PTBP2: variants seen among roughly 807,000 people sequenced by gnomAD.
PTBP2 encodes polypyrimidine tract-binding protein 2.
PTBP2 carries 13 observed loss-of-function variants against 61.4 expected under a neutral mutation model. That is an observed-to-expected ratio of 0.21 (90% CI 0.14 to 0.34). The LOEUF (loss-of-function observed/expected upper bound fraction) is 0.34, where lower values mean the gene tolerates loss of function less well. Ranked by LOEUF, PTBP2 falls within the 10% of genes least tolerant of loss-of-function variation. The probability of loss-of-function intolerance (pLI) is 1.00; values close to 1 mark genes in which losing one functional copy is unlikely to be tolerated. For missense variants in PTBP2, 405 were observed against 642.6 expected (o/e 0.63, Z 4.00); for synonymous variants, 215 against 218.5 (o/e 0.98, Z 0.14).
chr1:96,783,210 C>T (rs771755074), intron 7 of PTBP2, among the ~76,000 whole-genome samples: 1 of 151,960 alleles, frequency 6.6e-6, no homozygotes, highest in Non-Finnish European at 1.5e-5. Context: ...CCTCCTTTAA[C>T]CAACTATTTA....
intron 8 of PTBP2, among the ~76,000 whole-genome samples, chr1:96,797,374 G>A (rs2101134704): frequency 6.6e-6 from 1 of 152,298 alleles, no homozygotes; most frequent in South Asian, 2.1e-4. Context: ...GAATAAAAGT[G>A]TAGTTGTTAG....
At chr1:96,722,036 G>A (rs1183150137) in intron 1 of PTBP2, among the ~76,000 whole-genome samples, 164 bp downstream of exon 1, 2 of 150,832 alleles carry the variant, frequency 1.3e-5, no homozygotes, top group African/African-American at 4.9e-5. Context: ...TGCTTCCCCC[G>A]GCGGGCTTTG....
chr1:96,723,721 C>T, intron 2 of PTBP2, 127 bp downstream of exon 2: 3 of 793,926 alleles, frequency 3.8e-6, no homozygotes, highest in South Asian at 2.3e-5. Flanking sequence ...TGTTTCCTTT[C>T]ATTTGTAAAG....
At chr1:96,755,563 A>G (rs1655056654) in intron 3 of PTBP2, among the ~76,000 whole-genome samples, 1 of 152,268 alleles carries the variant, frequency 6.6e-6, no homozygotes, top group African/African-American at 2.4e-5. Flanking sequence ...AATCACCAAA[A>G]TGTGAAACAA....
At position 96,806,849 on chromosome 1, in the gene PTBP2, C is replaced by T. The variant is rs1557776313; in HGVS notation, c.1079-17C>T. The T allele has an allele frequency of 6.3e-7, 1 of 1,590,908 alleles. No homozygotes were observed. Among genetic ancestry groups the T allele is most frequent in the Non-Finnish European group, 8.6e-7 (1 of 1,165,286 alleles). On this transcript the variant is annotated splice_polypyrimidine_tract_variant and intron_variant, in intron 10 of 13. Coordinates refer to ENST00000674951, the MANE Select transcript of PTBP2 (RefSeq NM_021190.4). The stretch of plus-strand genomic sequence containing the variant: ...TTAATTCCATTTTTGGATTACCTCT[C>T]TGTGGCTCCAAAAAAGGTGTTTATG...
intron 2 of PTBP2, among the ~76,000 whole-genome samples, chr1:96,726,235 C>T (rs912109395): frequency 2.7e-5 from 4 of 149,152 alleles, no homozygotes; most frequent in Non-Finnish European, 5.9e-5. Flanking sequence ...TCTTTATTTA[C>T]GTGATTGAAT....
At chr1:96,801,803 G>A (rs1159812907) in intron 8 of PTBP2, among the ~76,000 whole-genome samples, 3 of 149,782 alleles carry the variant, frequency 2.0e-5, no homozygotes, top group Non-Finnish European at 4.4e-5. Context: ...GGAGGTTGCA[G>A]TGAGCCAAAA....
intron 2 of PTBP2, among the ~76,000 whole-genome samples, chr1:96,731,382 T>C: frequency 6.6e-6 from 1 of 152,304 alleles, no homozygotes; most frequent in Admixed American, 6.5e-5. Context: ...TAAAAATTAT[T>C]TTGTAATTTA....
At chr1:96,776,192 A>G (rs1658016837) in intron 5 of PTBP2, among the ~76,000 whole-genome samples, 1 of 152,048 alleles carries the variant, frequency 6.6e-6, no homozygotes, top group African/African-American at 2.4e-5. Context: ...GCTTGTTATT[A>G]TAGATAAATA....
chr1:96,815,554 T>C (rs1243491867), downstream of PTBP2: 1 of 152,190 alleles, frequency 6.6e-6, no homozygotes, highest in African/African-American at 2.4e-5. Context: ...TAAACAGATA[T>C]ATTGGTATCA....
intron 3 of PTBP2, among the ~76,000 whole-genome samples, chr1:96,763,721 A>G (rs951131496): frequency 1.3e-5 from 2 of 152,146 alleles, no homozygotes; most frequent in South Asian, 2.1e-4. Flanking sequence ...TAATGATGGC[A>G]TAAAATTCCT....
intron 3 of PTBP2, among the ~76,000 whole-genome samples, chr1:96,759,768 T>C (rs78815664): frequency 0.026 from 3,924 of 152,306 alleles, 74 homozygotes; most frequent in South Asian, 0.071. Context: ...AATATTTGTG[T>C]ATCAATACAT....
At position 96,751,447 on chromosome 1, in the gene PTBP2, C is replaced by T. The variant is rs1570786444; in HGVS notation, c.62C>T (p.Ser21Leu). ...TAGAGAGGATCTGACGAACTACTCT[C>T]AGGCAGTGTTCTCAGTAGTCCGAAC... is the stretch of plus-strand genomic sequence containing the variant. Reference protein sequence around the residue: ...GVKRGSDELLSGSVLSSPNSN... With the variant: ...GVKRGSDELLLGSVLSSPNSN... Residue 21 changes from serine to leucine, a missense_variant, in exon 3 of 14, where the codon TCA becomes TTA. By Grantham distance (145) the Ser-to-Leu change is moderately radical (BLOSUM62 -2). Transcript: ENST00000674951. The T allele has an allele frequency of 6.2e-6, 10 of 1,612,852 alleles. No individual in the cohort carries two copies. The East Asian group carries it at 2.2e-4, about 36-fold the overall frequency.
intron 1 of PTBP2, 115 bp downstream of exon 1, chr1:96,721,987 G>A (rs1649632792): frequency 5.1e-6 from 7 of 1,379,034 alleles, no homozygotes; most frequent in Admixed American, 2.0e-5. Context: ...CTGGGCTGCC[G>A]TTACCCAACC....
intron 8 of PTBP2, among the ~76,000 whole-genome samples, chr1:96,789,590 A>G (rs1436266341): frequency 1.3e-5 from 2 of 152,116 alleles, no homozygotes; most frequent in Non-Finnish European, 1.5e-5. Context: ...AACTGAATTT[A>G]TAATTTTCTA....
chr1:96,746,937 T>C (rs1317571660), intron 2 of PTBP2, among the ~76,000 whole-genome samples: 1 of 119,454 alleles, frequency 8.4e-6, no homozygotes, highest in Non-Finnish European at 1.7e-5. Flanking sequence ...CTTCCTTCCT[T>C]CCTTCCTACT....
chr1:96,770,902 C>T (rs1657301023), intron 5 of PTBP2, 51 bp downstream of exon 5: 2 of 1,430,886 alleles, frequency 1.4e-6, no homozygotes, highest in Non-Finnish European at 2.0e-6. Flanking sequence ...TATTATGAAT[C>T]TCATAAACAT....
At chr1:96,721,900 T>A in intron 1 of PTBP2, 28 bp downstream of exon 1, 1 of 1,571,142 alleles carries the variant, frequency 6.4e-7, no homozygotes, top group African/African-American at 1.3e-5. Context: ...CGAGAAGGTG[T>A]GTGTGAGAGA....
At chr1:96,797,465 T>G (rs1235053305) in intron 8 of PTBP2, among the ~76,000 whole-genome samples, 1 of 152,156 alleles carries the variant, frequency 6.6e-6, no homozygotes, top group Non-Finnish European at 1.5e-5. Flanking sequence ...TTGAATTGTT[T>G]CAAGAAAGAA....
Sources: allele counts gnomAD v4.1 joint callset (sites outside exome capture counted in the v4.1 genomes callset), GRCh38; gene constraint gnomAD v4.1.1; transcripts MANE v1.5; gene names NCBI Gene and HGNC (gene_info 2026-07-23, HGNC 2026-07-21).